The following ANK3 variants were observed in gnomAD, a reference collection of about 807,000 sequenced individuals.
The protein encoded by ANK3 is ankyrin-3.
Under a neutral mutation model 370.9 loss-of-function variants are expected in ANK3, and 57 were observed. The ratio of observed to expected loss-of-function variants is 0.15; its 90% CI spans 0.12 to 0.19. The LOEUF is 0.19. ANK3 is among the 10% of genes least tolerant of loss of function. The pLI is 1.00. For synonymous variants in ANK3, 1,929 were observed against 1,946.3 expected (o/e 0.99, Z 0.23); for missense variants, 4,439 against 5,302.1 (o/e 0.84, Z 5.06).
chr10:60,667,360 G>T (rs1394414045), intron 1 of ANK3, among the ~76,000 whole-genome samples: 1 of 151,452 alleles, frequency 6.6e-6, no homozygotes, highest in Non-Finnish European at 1.5e-5. Flanking sequence ...AACCAAAAAA[G>T]AATGTTCTTA....
intron 1 of ANK3, among the ~76,000 whole-genome samples, chr10:60,709,938 T>G (rs569255356): frequency 6.6e-6 from 1 of 152,206 alleles, no homozygotes; most frequent in Non-Finnish European, 1.5e-5. Context: ...GTTTACAAGA[T>G]GAATCATCTG....
chr10:60,039,220 G>C (rs1163276988), intron 43 of ANK3, among the ~76,000 whole-genome samples: 1 of 152,160 alleles, frequency 6.6e-6, no homozygotes, highest in African/African-American at 2.4e-5. Flanking sequence ...CTCAGGTAAA[G>C]GGCTGCCTTG....
At chr10:60,043,566 C>A (rs1301759431) in intron 42 of ANK3, 32 of 985,366 alleles carry the variant, frequency 3.2e-5, no homozygotes, top group South Asian at 1.9e-4. Flanking sequence ...GAGGGGAACC[C>A]CCTCCTCAGA....
intron 8 of ANK3, among the ~76,000 whole-genome samples, chr10:60,227,402 T>G (rs759903000): frequency 7.9e-5 from 12 of 152,050 alleles, no homozygotes; most frequent in Non-Finnish European, 1.5e-4. Flanking sequence ...TATGACTCTG[T>G]GTGGTTTTCT....
intron 2 of ANK3, among the ~76,000 whole-genome samples, chr10:60,557,546 C>T: frequency 6.6e-6 from 1 of 151,880 alleles, no homozygotes; most frequent in East Asian, 1.9e-4. Context: ...AGTTCTAGAA[C>T]CAAAGAGTGG....
In ANK3 at chr10:60,154,185, C is replaced by T. The variant is rs558590305; in HGVS notation, c.2614+12406G>A. Among the ~76,000 whole-genome samples the T allele has an allele frequency of 5.9e-5, 9 of 152,252 alleles. 1 individual carries two copies. Among genetic ancestry groups the T allele is most frequent in the Admixed American group, 3.9e-4 (6 of 15,290 alleles). ...AAAAGGCTAAATGATATAAGAGGTT[C>T]TTGTAAAACAACAAAATTTCAGGTG... On this transcript the variant is annotated intron_variant, in intron 23 of 43. Coordinates refer to ENST00000280772, the MANE Select transcript of ANK3 (RefSeq NM_020987.5).
chr10:60,236,200 G>A (rs2097330272), intron 7 of ANK3, among the ~76,000 whole-genome samples: 1 of 151,208 alleles, frequency 6.6e-6, no homozygotes, highest in Admixed American at 6.6e-5. Context: ...GAAAATTCTT[G>A]GCATCATGTT....
intron 7 of ANK3, among the ~76,000 whole-genome samples, chr10:60,261,106 T>C (rs1187677524): frequency 6.6e-6 from 1 of 152,154 alleles, no homozygotes; most frequent in African/African-American, 2.4e-5. Context: ...ATCTTATAAA[T>C]GAGGAAACTG....
chr10:60,731,691 T>C (rs1269878452), intron 1 of ANK3, among the ~76,000 whole-genome samples: 1 of 152,232 alleles, frequency 6.6e-6, no homozygotes, highest in East Asian at 1.9e-4. Context: ...CGCACCGGTT[T>C]GAGCCCAGGT....
At position 60,546,869 on chromosome 10, in the gene ANK3, C is replaced by T. The variant is rs145162475; in HGVS notation, c.96+68317G>A. On this transcript the variant is annotated intron_variant, in intron 2 of 43. Coordinates refer to the ANK3 transcript ENST00000373827. ...CATAGTGCTTCCCAGTGCCAGGTGA[C>T]ATTTTAACTCATAATCCTCATAGTG... is the stretch of plus-strand genomic sequence containing the variant. Among the ~76,000 whole-genome samples, 41 of 152,222 alleles carry T rather than the reference C, an allele frequency of 2.7e-4. 1 individual carries two copies. In the East Asian group the frequency reaches 5.8e-3, roughly 21 times the overall value.
intron 1 of ANK3, among the ~76,000 whole-genome samples, chr10:60,640,117 C>T (rs1372753011): frequency 6.6e-6 from 1 of 152,036 alleles, no homozygotes; most frequent in Non-Finnish European, 1.5e-5. Context: ...TCAGTAAAAA[C>T]AGGCATTTTA....
At chr10:60,724,564 G>C (rs2079914808) in intron 1 of ANK3, among the ~76,000 whole-genome samples, 1 of 152,092 alleles carries the variant, frequency 6.6e-6, no homozygotes, top group Admixed American at 6.5e-5. Flanking sequence ...TATCACTTTA[G>C]AATTAAATAT....
intron 1 of ANK3, among the ~76,000 whole-genome samples, chr10:60,666,449 T>C (rs1397905206): frequency 6.6e-6 from 1 of 152,106 alleles, no homozygotes; most frequent in Non-Finnish European, 1.5e-5. Flanking sequence ...AGAGCTACAG[T>C]CATTAAGTCA....
At chr10:60,733,397 T>G in exon 1 of ANK3, 1 of 1,179,870 alleles carries the variant, frequency 8.5e-7, no homozygotes, top group Non-Finnish European at 1.1e-6. Context: ...CCTCCAAACG[T>G]GGGACTTCTT....
At chr10:60,580,462 T>A (rs546766300) in intron 2 of ANK3, among the ~76,000 whole-genome samples, 1 of 152,292 alleles carries the variant, frequency 6.6e-6, no homozygotes, top group South Asian at 2.1e-4. Flanking sequence ...ATTTTGCCCT[T>A]TTCTAACCAC....
chr10:60,652,111 CTTTGGGAGGCCAAGTAATCCCAGTGT>C (rs1335112687), intron 1 of ANK3, among the ~76,000 whole-genome samples: 5 of 152,226 alleles, frequency 3.3e-5, no homozygotes, highest in East Asian at 3.9e-4. Flanking sequence ...AATCCTAGCA[CTTTGGGAGGCCAAGTAATCCCAGTGT>C]TTTGGGAGGC....
At chr10:60,129,170 C>G (rs1307825035) in intron 25 of ANK3, among the ~76,000 whole-genome samples, 2 of 152,206 alleles carry the variant, frequency 1.3e-5, no homozygotes, top group Non-Finnish European at 2.9e-5. Flanking sequence ...CAATACACAC[C>G]AAGCTTCCAG....
chr10:60,169,834 T>C (rs185882065), intron 21 of ANK3, among the ~76,000 whole-genome samples: 5 of 152,300 alleles, frequency 3.3e-5, no homozygotes, highest in Admixed American at 1.3e-4. Flanking sequence ...GCTATGGCCA[T>C]TGGGAACTCT....
chr10:60,559,473 T>C lies in ANK3; in HGVS notation c.96+55713A>G, dbSNP rs140151461. Among the ~76,000 whole-genome samples the C allele has an allele frequency of 2.9e-3, 447 of 152,294 alleles. 1 individual carries two copies. The highest frequency in any genetic ancestry group is 4.7e-3 in the Non-Finnish European group (320 of 68,020). On this transcript the variant is annotated intron_variant, in intron 2 of 43. Transcript: ENST00000373827. ...CATTTTTATGAATGTGTGCCTACTT[T>C]TTGCTAAAAACTGTGCTAGCTACTT...
Sources: gnomAD v4.1 joint callset for allele counts (sites outside exome capture counted in the v4.1 genomes callset) on GRCh38, gnomAD v4.1.1 for gene constraint, MANE v1.5 for transcripts, NCBI Gene and HGNC (gene_info 2026-07-23, HGNC 2026-07-21) for gene names.